AGBL1: variants seen among roughly 807,000 people sequenced by gnomAD.
AGBL1 encodes the protein AGBL carboxypeptidase 1.
Under a neutral mutation model 118.9 loss-of-function variants are expected in AGBL1, and 130 were observed. The ratio of observed to expected loss-of-function variants is 1.09; its 90% CI spans 0.95 to 1.26. AGBL1 has a LOEUF of 1.26. Among genes scored for constraint, AGBL1 ranks in the 50% most tolerant of loss-of-function variants. AGBL1 has a pLI of 0.00. For missense variants in AGBL1, 1,584 were observed against 1,298.1 expected (o/e 1.22, Z -3.38); for synonymous variants, 555 against 478.9 (o/e 1.16, Z -2.08).
At chr15:86,862,837 T>A (rs1200572268) in intron 22 of AGBL1, among the ~76,000 whole-genome samples, 1 of 152,236 alleles carries the variant, frequency 6.6e-6, no homozygotes, top group Non-Finnish European at 1.5e-5. Flanking sequence ...CGAGGACATC[T>A]ATGAAATTAT....
intron 18 of AGBL1, among the ~76,000 whole-genome samples, chr15:86,418,459 C>G (rs1346255511): frequency 1.3e-5 from 2 of 152,156 alleles, no homozygotes; most frequent in East Asian, 3.9e-4. Flanking sequence ...CAAAATTGTT[C>G]TTGGTTACAG....
chr15:86,791,093 CTG>C (rs1338547935), intron 22 of AGBL1, among the ~76,000 whole-genome samples: 2 of 152,294 alleles, frequency 1.3e-5, no homozygotes, highest in East Asian at 3.9e-4. Flanking sequence ...AGTCTTTAGA[CTG>C]AGATCACATC....
chr15:86,163,948 G>C (rs1326438106), intron 5 of AGBL1, among the ~76,000 whole-genome samples: 1 of 152,178 alleles, frequency 6.6e-6, no homozygotes, highest in African/African-American at 2.4e-5. Flanking sequence ...ACATCAGTTG[G>C]CACACCTCCC....
At chr15:86,722,238 G>C (rs138094431) in intron 22 of AGBL1, among the ~76,000 whole-genome samples, 1 of 151,946 alleles carries the variant, frequency 6.6e-6, no homozygotes, top group Non-Finnish European at 1.5e-5. Context: ...GAGGCATCAC[G>C]CTACCTGACT....
At chr15:86,629,232 G>C (rs528546247) in intron 21 of AGBL1, among the ~76,000 whole-genome samples, 1 of 152,240 alleles carries the variant, frequency 6.6e-6, no homozygotes, top group Admixed American at 6.5e-5. Context: ...AGAAGATAAA[G>C]ATTGGTTGGA....
intron 22 of AGBL1, among the ~76,000 whole-genome samples, chr15:86,738,863 G>T (rs1356209179): frequency 6.6e-6 from 1 of 152,100 alleles, no homozygotes; most frequent in African/African-American, 2.4e-5. Context: ...TCCCAGCCAG[G>T]CTTGGTGGCT....
intron 18 of AGBL1, among the ~76,000 whole-genome samples, chr15:86,422,349 T>C (rs1421958295): frequency 6.6e-6 from 1 of 152,162 alleles, no homozygotes; most frequent in Non-Finnish European, 1.5e-5. Flanking sequence ...GAATGACTAC[T>C]GGGTAAATAA....
intron 24 of AGBL1, among the ~76,000 whole-genome samples, chr15:86,995,862 T>G (rs973663240): frequency 6.6e-6 from 1 of 152,214 alleles, no homozygotes; most frequent in African/African-American, 2.4e-5. Context: ...CATTGATCAG[T>G]CTTTGCAGCA....
chr15:86,920,906 TA>T (rs2080476093), downstream of AGBL1, among the ~76,000 whole-genome samples: 1 of 152,186 alleles, frequency 6.6e-6, no homozygotes, highest in African/African-American at 2.4e-5. Flanking sequence ...CAAAACAAAT[TA>T]GGGAGCTGCT....
intron 22 of AGBL1, among the ~76,000 whole-genome samples, chr15:86,827,407 ATG>A (rs1355769671): frequency 1.2e-4 from 1 of 8,390 alleles, no homozygotes; most frequent in Admixed American, 2.4e-3. Context: ...ACATATATAT[ATG>A]TGTATATATA....
intron 18 of AGBL1, among the ~76,000 whole-genome samples, chr15:86,428,489 T>C (rs2081894419): frequency 6.6e-6 from 1 of 152,200 alleles, no homozygotes; most frequent in African/African-American, 2.4e-5. Context: ...TCAGAAATAA[T>C]CTATTTCTCA....
At chr15:86,979,988 T>G (rs1463074876) in intron 23 of AGBL1, among the ~76,000 whole-genome samples, 1 of 152,188 alleles carries the variant, frequency 6.6e-6, no homozygotes, top group African/African-American at 2.4e-5. Flanking sequence ...CACTTTCTTT[T>G]CCCTTCCTCT....
At chr15:86,867,946 C>T (rs1435517867) in intron 22 of AGBL1, among the ~76,000 whole-genome samples, 3 of 152,124 alleles carry the variant, frequency 2.0e-5, no homozygotes, top group South Asian at 2.1e-4. Flanking sequence ...AAATAGCAAT[C>T]GTTACAGAGA....
At chr15:86,271,590 T>A in intron 14 of AGBL1, 29 bp from the exon 15 acceptor site, 15 of 1,552,162 alleles carry the variant, frequency 9.7e-6, no homozygotes, top group Non-Finnish European at 1.3e-5. Context: ...CTTTCCCTCA[T>A]GGATTAATTC....
chr15:86,609,368 T>A (rs1285675306), intron 21 of AGBL1, among the ~76,000 whole-genome samples: 1 of 152,148 alleles, frequency 6.6e-6, no homozygotes, highest in Non-Finnish European at 1.5e-5. Context: ...AGCCATCAAA[T>A]GATGTTTCAG....
At chr15:86,975,322 A>G (rs927341562) in intron 23 of AGBL1, among the ~76,000 whole-genome samples, 3 of 152,038 alleles carry the variant, frequency 2.0e-5, no homozygotes, top group African/African-American at 4.8e-5. Context: ...GGCAGGCAAG[A>G]GAGCATGTGC....
chr15:86,922,182 A>G (rs1031102569), intron 23 of AGBL1, among the ~76,000 whole-genome samples: 5 of 152,202 alleles, frequency 3.3e-5, no homozygotes, highest in South Asian at 2.1e-4. Flanking sequence ...CAAAAATAGT[A>G]TTTTGCAGTG....
intron 18 of AGBL1, among the ~76,000 whole-genome samples, chr15:86,497,490 G>A (rs1404033926): frequency 6.6e-6 from 1 of 151,896 alleles, no homozygotes; most frequent in Non-Finnish European, 1.5e-5. Flanking sequence ...TTTTCCGTTT[G>A]ATAATTTTCA....
At chr15:86,778,459 A>G (rs903825613) in intron 22 of AGBL1, among the ~76,000 whole-genome samples, 3 of 152,148 alleles carry the variant, frequency 2.0e-5, no homozygotes, top group Non-Finnish European at 2.9e-5. Flanking sequence ...CTTCGACTGT[A>G]AAAGACGGCC....
Sources: gnomAD v4.1 joint callset for allele counts (sites outside exome capture counted in the v4.1 genomes callset) on GRCh38, gnomAD v4.1.1 for gene constraint, MANE v1.5 for transcripts, NCBI Gene and HGNC (gene_info 2026-07-23, HGNC 2026-07-21) for gene names.